Variants in GAS7 observed in about 807,000 individuals in gnomAD.
GAS7 encodes the protein growth arrest-specific protein 7.
GAS7 carries 28 observed loss-of-function variants against 71.1 expected under a neutral mutation model. The ratio of observed to expected loss-of-function variants is 0.39; its 90% confidence interval spans 0.29 to 0.54. GAS7 has a LOEUF of 0.54. Among genes scored for constraint, GAS7 ranks in the 20% least tolerant of loss-of-function variants. The probability of loss-of-function intolerance (pLI) is 0.62; values close to 1 mark genes in which losing one functional copy is unlikely to be tolerated. For missense variants in GAS7, 436 were observed against 627.8 expected (o/e 0.69, Z 3.27); for synonymous variants, 258 against 245.8 (o/e 1.05, Z -0.46).
At chr17:10,169,362 G>C (rs896282351) in intron 1 of GAS7, among the ~76,000 whole-genome samples, 1 of 152,142 alleles carries the variant, frequency 6.6e-6, no homozygotes, top group Non-Finnish European at 1.5e-5. Context: ...AAAACTTCTT[G>C]TGGGTTAAGC....
At chr17:10,162,979 G>T (rs1293663493) in intron 1 of GAS7, among the ~76,000 whole-genome samples, 1 of 152,004 alleles carries the variant, frequency 6.6e-6, no homozygotes, top group African/African-American at 2.4e-5. Flanking sequence ...ACTTCCAATG[G>T]TTAAGATGGT....
intron 1 of GAS7, among the ~76,000 whole-genome samples, chr17:10,061,797 C>T (rs995945539): frequency 2.0e-5 from 3 of 152,280 alleles, no homozygotes; most frequent in Middle Eastern, 3.4e-3. Context: ...CCCAGCCTCC[C>T]TCTCAGGCCA....
rs142432612 is a variant in GAS7, at chr17:10,055,438, C to G, written c.184-35541G>C. Among the ~76,000 whole-genome samples the G allele has an allele frequency of 5.0e-3, 756 of 152,328 alleles. 7 individuals carry two copies. The highest frequency in any genetic ancestry group is 0.017 in the African/African-American group (723 of 41,566). On this transcript the variant is annotated intron_variant, in intron 1 of 13. Transcript: ENST00000432992. The stretch of plus-strand genomic sequence containing the variant: ...CCTGGCGGACCTCAGGCCCTGGCCA[C>G]CTCCCTGTTCCCAGACTTCCTGCTT...
rs1961065340 is a variant in GAS7, at chr17:9,914,240, T to A, written c.*2988A>T. 1 of 202,646 alleles carries A rather than the reference T, an allele frequency of 4.9e-6. No homozygotes were observed. The highest frequency in any genetic ancestry group is 1.9e-4 in the South Asian group (1 of 5,248). The allele number at this position is 202,646 out of a possible 1,614,324, so 12.6% of individuals were successfully genotyped here. A position where few individuals can be genotyped will look rare whatever the true frequency, so the allele number is the denominator to read the frequency against. ...TATTTGCAAAGAGTTATTTATAATT[T>A]TTTTGAGATGGAGTCTTGCTCTGTC... On this transcript the variant is annotated 3_prime_UTR_variant, in exon 14 of 14. Transcript: ENST00000432992.
intron 1 of GAS7, among the ~76,000 whole-genome samples, chr17:10,078,214 C>A (rs537689215): frequency 2.0e-4 from 31 of 152,206 alleles, no homozygotes; most frequent in African/African-American, 7.2e-4. Flanking sequence ...ACCTCAGGCT[C>A]CCCAGTAGCT....
At chr17:9,918,235 C>A in intron 12 of GAS7, 136 bp from the exon 13 acceptor site, 1 of 627,560 alleles carries the variant, frequency 1.6e-6, no homozygotes, top group Non-Finnish European at 2.8e-6. Context: ...TGATGAAGAG[C>A]GTGCCCCATA....
At position 9,915,621 on chromosome 17, in the gene GAS7, C is replaced by T. The variant is rs550262302; in HGVS notation, c.*1607G>A. ...AGCAATTCTCATTCAATGAAAGAGG[C>T]GCCAAAAAATTAGAGATTAATAAGT... is the stretch of plus-strand genomic sequence containing the variant. On this transcript the variant is annotated 3_prime_UTR_variant, in exon 14 of 14. Coordinates refer to ENST00000432992, the MANE Select transcript of GAS7 (RefSeq NM_201433.2). The T allele has an allele frequency of 8.8e-5, 20 of 227,440 alleles. No homozygotes were observed. Among genetic ancestry groups the T allele is most frequent in the African/African-American group, 2.0e-4 (9 of 45,120 alleles). The allele number at this position is 227,440 out of a possible 1,614,324, so 14.1% of individuals were successfully genotyped here. A position where few individuals can be genotyped will look rare whatever the true frequency, so the allele number is the denominator to read the frequency against.
At chr17:10,116,759 G>T (rs144571176) in intron 1 of GAS7, among the ~76,000 whole-genome samples, 1 of 152,156 alleles carries the variant, frequency 6.6e-6, no homozygotes, top group African/African-American at 2.4e-5. Flanking sequence ...TCGACACTGG[G>T]ATACATCAGT....
rs750373268 is a variant in GAS7 at position 9,912,895 on chromosome 17, C to G, written c.*4333G>C. ...TTCCCGGCAAGGAGAAGGAACAAAC[C>G]ACACGCACACATCATGAATGACTCA... On this transcript the variant is annotated 3_prime_UTR_variant, in exon 14 of 14. Coordinates refer to ENST00000432992, the MANE Select transcript of GAS7 (RefSeq NM_201433.2). 1.3e-5 allele frequency: 3 copies of G among 232,902 alleles called. No individual in the cohort carries two copies. Among genetic ancestry groups the G allele is most frequent in the African/African-American group, 4.4e-5 (2 of 45,316 alleles). 14.4% of individuals were successfully genotyped at this position (232,902 alleles called of 1,614,324 possible). A position where few individuals can be genotyped will look rare whatever the true frequency, so the allele number is the denominator to read the frequency against.
intron 5 of GAS7, among the ~76,000 whole-genome samples, chr17:9,952,264 C>G (rs1289919601): frequency 6.6e-6 from 1 of 152,220 alleles, no homozygotes; most frequent in Non-Finnish European, 1.5e-5. Context: ...ATCCATTTAG[C>G]AGGGACAGGG....
intron 2 of GAS7, among the ~76,000 whole-genome samples, chr17:10,007,757 T>C (rs191932354): frequency 2.8e-4 from 43 of 152,190 alleles, no homozygotes; most frequent in African/African-American, 1.0e-3. Flanking sequence ...ATCATTATAT[T>C]CTCCCTCTAA....
At chr17:10,017,307 C>A (rs576598103) in intron 2 of GAS7, among the ~76,000 whole-genome samples, 5 of 151,032 alleles carry the variant, frequency 3.3e-5, no homozygotes, top group Non-Finnish European at 7.4e-5. Flanking sequence ...AACTTGCCAA[C>A]GAAAATCATC....
At chr17:10,162,488 AT>A (rs1483792462) in intron 1 of GAS7, among the ~76,000 whole-genome samples, 2 of 151,954 alleles carry the variant, frequency 1.3e-5, no homozygotes, top group Non-Finnish European at 2.9e-5. Context: ...GTATCTTTTG[AT>A]TTTTTTAAAG....
At chr17:10,174,688 TATCAAAAAAAATA>T (rs2074360087) in intron 1 of GAS7, among the ~76,000 whole-genome samples, 1 of 151,214 alleles carries the variant, frequency 6.6e-6, no homozygotes. Flanking sequence ...CGAGACTCCG[TATCAAAAAAAATA>T]ATTAAAAAAA....
intron 1 of GAS7, among the ~76,000 whole-genome samples, chr17:10,076,785 T>C (rs963245100): frequency 2.8e-4 from 42 of 152,240 alleles, no homozygotes; most frequent in African/African-American, 8.9e-4. Flanking sequence ...CACCAAGCAA[T>C]AGAGAATCCT....
intron 5 of GAS7, 27 bp from the exon 6 acceptor site, chr17:9,947,010 G>A: frequency 6.7e-7 from 1 of 1,487,694 alleles, no homozygotes; most frequent in Non-Finnish European, 9.4e-7. Context: ...AAGAAAGAAT[G>A]ACCCCGCTGG....
chr17:9,925,648 G>A lies in GAS7; in HGVS notation c.1015-49C>T. ...GCTGCTCATACAGCTCGGAGCCAGT[G>A]GGCCTCCTGGGCCACGCAGCCCAGC... On this transcript the variant is annotated intron_variant, in intron 10 of 13. Coordinates refer to ENST00000432992, the MANE Select transcript of GAS7 (RefSeq NM_201433.2). 3 of 1,607,998 alleles carry A rather than the reference G, an allele frequency of 1.9e-6. No individual in the cohort carries two copies. In the South Asian group the frequency reaches 3.3e-5, roughly 18 times the overall value.
At chr17:10,134,877 G>A (rs1433853152) in intron 1 of GAS7, among the ~76,000 whole-genome samples, 9 of 151,194 alleles carry the variant, frequency 6.0e-5, no homozygotes, top group Admixed American at 1.3e-4. Flanking sequence ...CCTATCGCCA[G>A]GCTGGAGTGC....
chr17:9,940,410 T>C (rs1156800433), intron 7 of GAS7, among the ~76,000 whole-genome samples: 1 of 152,168 alleles, frequency 6.6e-6, no homozygotes, highest in Non-Finnish European at 1.5e-5. Context: ...TGGACCTCCA[T>C]CTCCTCATCT....
Sources: allele counts gnomAD v4.1 joint callset (sites outside exome capture counted in the v4.1 genomes callset), GRCh38; gene constraint gnomAD v4.1.1; transcripts MANE v1.5; gene names NCBI Gene and HGNC (gene_info 2026-07-23, HGNC 2026-07-21).